Variants in HDAC1 observed in about 807,000 individuals in gnomAD.
The protein encoded by HDAC1 is protein deacetylase HDAC1.
A neutral mutation model predicts 65.5 loss-of-function variants in HDAC1; 18 were observed. The ratio of observed to expected loss-of-function variants is 0.27; its 90% CI spans 0.19 to 0.41. The LOEUF is 0.41. Among genes scored for constraint, HDAC1 ranks in the 10% least tolerant of loss-of-function variants. The pLI, the probability that HDAC1 is intolerant of heterozygous loss-of-function variation, is 1.00. For missense variants in HDAC1, 373 were observed against 625.2 expected (o/e 0.60, Z 4.30); for synonymous variants, 211 against 227.9 (o/e 0.93, Z 0.67).
In HDAC1 at chr1:32,292,236, G is replaced by A. The variant is rs1268174748; in HGVS notation, c.49+18G>A. 1.9e-5 allele frequency: 30 copies of A among 1,547,842 alleles called. 1 individual carries two copies. The Admixed American group carries it at 5.9e-4, about 30-fold the overall frequency. On this transcript the variant is annotated intron_variant, in intron 1 of 13. Coordinates refer to ENST00000373548, the MANE Select transcript of HDAC1 (RefSeq NM_004964.3). ...CTACGACGGTGAGCACCGTCCTCGC[G>A]GCGGGGGCGGGGCCAGGCCGGGCCG...
Position 32,327,554 on chromosome 1 carries a change from G to A in HDAC1, c.513G>A (p.Leu171=), listed in dbSNP as rs747817665. 6.2e-7 allele frequency: 1 copy of A among 1,613,288 alleles called. No homozygotes were observed. The highest frequency in any genetic ancestry group is 1.3e-5 in the African/African-American group (1 of 74,998). The change falls in exon 6 of 14, where the codon CTG becomes CTA. Residue 171 remains leucine, a synonymous_variant. Transcript: ENST00000373548. The surrounding 1 kb of genome is among the most constrained non-coding windows in gnomAD (Gnocchi z 6.0). The stretch of plus-strand genomic sequence containing the variant: ...ATCCTAGGTATCACCAGAGGGTGCT[G>A]TACATTGACATTGATATTCACCATG... The part of the protein sequence containing the change: ...LELLKYHQRV[L]YIDIDIHHGD...
At position 32,320,335 on chromosome 1, in the gene HDAC1, G is replaced by C. The variant is rs556641723; in HGVS notation, c.280+3553G>C. Among the ~76,000 whole-genome samples, 8 of 152,222 alleles carry C rather than the reference G, an allele frequency of 5.3e-5. No homozygotes were observed. The East Asian group carries it at 1.5e-3, about 29-fold the overall frequency. ...AGGTTTCCTTGCTTGTGGCTGAAAT[G>C]TAATAAACCCTTTCTGGTCACTTTG... On this transcript the variant is annotated intron_variant, in intron 3 of 13. Coordinates refer to ENST00000373548, the MANE Select transcript of HDAC1 (RefSeq NM_004964.3).
At chr1:32,313,618 T>C (rs72878738) in intron 2 of HDAC1, among the ~76,000 whole-genome samples, 11,173 of 152,260 alleles carry the variant, frequency 0.073, 1,355 homozygotes, top group African/African-American at 0.25. Context: ...GCAGAAAATA[T>C]GGCAGGTTCT....
chr1:32,332,668 G>C (rs1444639405), intron 12 of HDAC1, 33 bp from the exon 13 acceptor site: 1 of 1,535,536 alleles, frequency 6.5e-7, no homozygotes, highest in South Asian at 1.2e-5. Flanking sequence ...CAGAGGTGCT[G>C]CCCTTGGCCA....
chr1:32,318,892 G>A (rs1029316676), intron 3 of HDAC1, among the ~76,000 whole-genome samples: 5 of 152,086 alleles, frequency 3.3e-5, no homozygotes, highest in Non-Finnish European at 4.4e-5. Flanking sequence ...GCTGAGGCAA[G>A]CAGATCACCT....
At chr1:32,292,873 A>G (rs1640716850) in intron 1 of HDAC1, among the ~76,000 whole-genome samples, 1 of 152,094 alleles carries the variant, frequency 6.6e-6, no homozygotes, top group Non-Finnish European at 1.5e-5. Context: ...GTGTTAGGGG[A>G]GCACAGAGAA....
rs1640705523 is a variant in HDAC1 at position 32,292,118 on chromosome 1, C to CGGGCGGGA, written c.-45_-38dup. ...CTGGGTCGGACGCTGAGCGGAGCCGCGGGCGGGAGGGCGGACGGACCGACT... is the reference window on the plus strand; with the variant it reads ...CTGGGTCGGACGCTGAGCGGAGCCGCGGGCGGGAGGGCGGGAGGGCGGACGGACCGACT... On this transcript the variant is annotated 5_prime_UTR_variant, in exon 1 of 14. Transcript: ENST00000373548. The CGGGCGGGA allele has an allele frequency of 1.3e-6, 2 of 1,533,122 alleles. No homozygotes were observed. The highest frequency in any genetic ancestry group is 8.8e-7 in the Non-Finnish European group (1 of 1,134,186). 95.0% of individuals were successfully genotyped at this position (1,533,122 alleles called of 1,614,324 possible).
chr1:32,328,956 C>T (rs1275631059), intron 6 of HDAC1, 112 bp from the exon 7 acceptor site: 1 of 757,452 alleles, frequency 1.3e-6, no homozygotes, highest in African/African-American at 1.7e-5. Flanking sequence ...TGGCCCACAT[C>T]ATGGGCCTAG....
intron 2 of HDAC1, among the ~76,000 whole-genome samples, chr1:32,304,743 G>C (rs1350285622): frequency 1.3e-5 from 2 of 151,852 alleles, no homozygotes; most frequent in African/African-American, 4.8e-5. Flanking sequence ...CTAATTTTTT[G>C]GTAGAAATGG....
chr1:32,313,241 C>T (rs1400508681), intron 2 of HDAC1, among the ~76,000 whole-genome samples: 1 of 151,924 alleles, frequency 6.6e-6, no homozygotes, highest in African/African-American at 2.4e-5. Flanking sequence ...ATTCCAGGCA[C>T]CTGCCATGAC....
At chr1:32,316,005 G>T (rs1641057339) in intron 2 of HDAC1, among the ~76,000 whole-genome samples, 2 of 150,088 alleles carry the variant, frequency 1.3e-5, no homozygotes, top group Admixed American at 1.3e-4. Context: ...AAAAAAGGTC[G>T]GGCTTGGTGG....
Position 32,326,968 on chromosome 1 carries a change from A to G in HDAC1, c.385A>G (p.Thr129Ala). Residue 129 changes from threonine (T) to alanine (A), a missense_variant, in exon 5 of 14, where the codon ACG becomes GCG. Thr to Ala is a moderately conservative substitution (Grantham distance 58, BLOSUM62 0). This residue lies in a region of HDAC1 where 62 missense variants were observed against 180.0 expected (regional missense o/e 0.34). Coordinates refer to ENST00000373548, the MANE Select transcript of HDAC1 (RefSeq NM_004964.3). ...TGCTGTGAAACTTAATAAGCAGCAG[A>G]CGGACATCGCTGTGAATTGGGCTGG... The part of the protein sequence containing the change: ...ASAVKLNKQQ[T>A]DIAVNWAGGL... 1 of 1,614,130 alleles carries G rather than the reference A, an allele frequency of 6.2e-7. No homozygotes were observed. Among genetic ancestry groups the G allele is most frequent in the South Asian group, 1.1e-5 (1 of 91,082 alleles).
At position 32,319,097 on chromosome 1, in the gene HDAC1, C is replaced by T. The variant is rs953682330; in HGVS notation, c.280+2315C>T. 3.9e-5 allele frequency among the ~76,000 whole-genome samples: 6 copies of T among 151,956 alleles called. No homozygotes were observed. The East Asian group carries it at 7.7e-4, about 20-fold the overall frequency. On this transcript the variant is annotated intron_variant, in intron 3 of 13. Transcript: ENST00000373548. Reference sequence around the variant, plus strand: ...TCGCGCCACTGCACTCCAGCCTGGGCGACAGAGCGAGACTCCGTCTCAAAA... The same window carrying T: ...TCGCGCCACTGCACTCCAGCCTGGGTGACAGAGCGAGACTCCGTCTCAAAA...
Position 32,332,093 on chromosome 1 carries a change from GCTC to G in HDAC1, c.1227_1229del (p.Ser410del). ...CATGCTTCCCACTCCCTCCCAGTCT[GCTC>G]CTCTGACAAACGAATTGCCTGTGAG... On this transcript the variant is annotated inframe_deletion, in exon 12 of 14. Transcript: ENST00000373548. The G allele has an allele frequency of 1.3e-6, 2 of 1,596,472 alleles. No homozygotes were observed. Among genetic ancestry groups the G allele is most frequent in the Non-Finnish European group, 1.7e-6 (2 of 1,172,074 alleles).
chr1:32,309,230 A>G (rs1407320824), intron 2 of HDAC1, among the ~76,000 whole-genome samples: 1 of 152,234 alleles, frequency 6.6e-6, no homozygotes, highest in Admixed American at 6.5e-5. Context: ...TAGACCAAGC[A>G]AACATGCAAT....
At chr1:32,320,081 G>A (rs1359911475) in intron 3 of HDAC1, among the ~76,000 whole-genome samples, 3 of 152,134 alleles carry the variant, frequency 2.0e-5, no homozygotes, top group Middle Eastern at 6.8e-3. Context: ...TTAGCCGGAC[G>A]TGGTGGCAGG....
chr1:32,330,034 T>C lies in HDAC1; in HGVS notation c.730-544T>C, dbSNP rs1209639540. ...TGCCAAGGAGTTAAATCTTCACTTA[T>C]AAACAGTAAGAAACTGCTTAACCTA... On this transcript the variant is annotated intron_variant, in intron 7 of 13. Transcript: ENST00000373548. This position sits in a 1 kb window ranked among gnomAD's most constrained non-coding sequence, Gnocchi z 4.2. The C allele has an allele frequency of 1.3e-5, 2 of 158,864 alleles. No individual in the cohort carries two copies. The highest frequency in any genetic ancestry group is 3.7e-4 in the East Asian group (2 of 5,358). The allele number at this position is 158,864 out of a possible 1,614,324, so 9.8% of individuals were successfully genotyped here.
intron 3 of HDAC1, among the ~76,000 whole-genome samples, chr1:32,323,458 C>T (rs779257588): frequency 2.0e-5 from 3 of 152,048 alleles, no homozygotes; most frequent in Admixed American, 1.3e-4. Context: ...AGTGCAGTTG[C>T]GCGATCTCAG....
In HDAC1 at chr1:32,331,869, A is replaced by G. The variant is rs1641296914; in HGVS notation, c.1219+63A>G. On this transcript the variant is annotated intron_variant, in intron 11 of 13. Transcript: ENST00000373548. The surrounding 1 kb of genome is among the most constrained non-coding windows in gnomAD (Gnocchi z 4.2). ...ATAGGCAGCTCACACTTCCACCACC[A>G]TTCCTGGCTGCACACTCCCTCCAAG... The G allele has an allele frequency of 1.3e-6, 2 of 1,537,004 alleles. No homozygotes were observed. Among genetic ancestry groups the G allele is most frequent in the Non-Finnish European group, 1.8e-6 (2 of 1,138,442 alleles).
Sources: gnomAD v4.1 joint callset for allele counts (sites outside exome capture counted in the v4.1 genomes callset) on GRCh38, gnomAD v4.1.1 for gene constraint, gnomAD v4.1.1 regional missense constraint, Gnocchi (gnomAD v3.1) non-coding constraint, MANE v1.5 for transcripts, NCBI Gene and HGNC (gene_info 2026-07-23, HGNC 2026-07-21) for gene names.